Variants in AGMO observed in about 807,000 individuals in gnomAD.
The protein encoded by AGMO is glyceryl-ether monooxygenase.
A neutral mutation model predicts 60.2 loss-of-function variants in AGMO; 75 were observed. The ratio of observed to expected loss-of-function variants is 1.25; its 90% CI spans 1.03 to 1.51. The LOEUF (loss-of-function observed/expected upper bound fraction) is 1.51, where lower values mean the gene tolerates loss of function less well. AGMO is among the 40% of genes most tolerant of loss of function. The pLI is 0.00. For missense variants in AGMO, 763 were observed against 525.5 expected, an observed-to-expected ratio of 1.45 and a Z score of -4.42; for synonymous variants, 261 against 177.1, an observed-to-expected ratio of 1.47 and a Z score of -3.76.
intron 3 of AGMO, among the ~76,000 whole-genome samples, chr7:15,501,731 A>C (rs757470886): frequency 2.2e-4 from 34 of 151,964 alleles, no homozygotes; most frequent in Non-Finnish European, 4.4e-4. Flanking sequence ...AATTGAGTAC[A>C]ATTGAACAAG....
chr7:15,176,113 C>T, the AGMO span, among the ~76,000 whole-genome samples: 6 of 151,964 alleles, frequency 3.9e-5, no homozygotes, highest in South Asian at 8.3e-4. Flanking sequence ...TCTAAATTTA[C>T]GTTTTCCTAT....
At chr7:15,299,336 TGTAATACTG>T (rs1784492757) in intron 12 of AGMO, among the ~76,000 whole-genome samples, 1 of 152,186 alleles carries the variant, frequency 6.6e-6, no homozygotes, top group Non-Finnish European at 1.5e-5. Flanking sequence ...TTTATACTTA[TGTAATACTG>T]GTAAGAGTGG....
intron 12 of AGMO, among the ~76,000 whole-genome samples, chr7:15,337,543 G>C (rs553994642): frequency 3.9e-5 from 6 of 152,204 alleles, no homozygotes; most frequent in African/African-American, 1.4e-4. Flanking sequence ...GGAGAAAAGG[G>C]CAGGTGGGAA....
intron 3 of AGMO, among the ~76,000 whole-genome samples, chr7:15,520,036 G>C (rs930496629): frequency 6.7e-6 from 1 of 149,714 alleles, no homozygotes; most frequent in Non-Finnish European, 1.5e-5. Flanking sequence ...GAAAAATGCA[G>C]GGGTTGCAAT....
At chr7:15,327,503 T>C (rs1256452119) in intron 12 of AGMO, among the ~76,000 whole-genome samples, 1 of 152,012 alleles carries the variant, frequency 6.6e-6, no homozygotes, top group Non-Finnish European at 1.5e-5. Context: ...ACACCTAGAA[T>C]GCATCAGCCA....
At chr7:15,253,007 A>G (rs1355338346) in intron 12 of AGMO, among the ~76,000 whole-genome samples, 1 of 152,210 alleles carries the variant, frequency 6.6e-6, no homozygotes, top group Non-Finnish European at 1.5e-5. Flanking sequence ...TTGATACACT[A>G]CACAAGAACA....
In AGMO at chr7:15,229,217, T is replaced by G. The variant is rs545531652; in HGVS notation, c.1264-27858A>C. Among the ~76,000 whole-genome samples, 48 of 152,172 alleles carry G rather than the reference T, an allele frequency of 3.2e-4. No individual in the cohort carries two copies. The South Asian group carries it at 9.9e-3, about 32-fold the overall frequency. On this transcript the variant is annotated intron_variant, in intron 12 of 12. Coordinates refer to ENST00000342526, the MANE Select transcript of AGMO (RefSeq NM_001004320.2). ...TTCATTGGACAACAACTCTTCACTT[T>G]GGGATCAAATTAGGGAATTTCATTG...
At chr7:15,177,983 G>A in the AGMO span, among the ~76,000 whole-genome samples, 1 of 152,026 alleles carries the variant, frequency 6.6e-6, no homozygotes, top group African/African-American at 2.4e-5. Context: ...CCAATAAATA[G>A]TCAATTATTC....
At chr7:15,243,011 G>A (rs933335454) in intron 12 of AGMO, among the ~76,000 whole-genome samples, 2 of 151,940 alleles carry the variant, frequency 1.3e-5, no homozygotes, top group African/African-American at 2.4e-5. Context: ...GTGGGGGGAG[G>A]TGAAAGGAAT....
the AGMO span, among the ~76,000 whole-genome samples, chr7:15,177,902 C>T: frequency 6.6e-6 from 1 of 151,982 alleles, no homozygotes; most frequent in Non-Finnish European, 1.5e-5. Flanking sequence ...TTTATGACTC[C>T]GATGTCCACC....
chr7:15,334,129 C>G (rs1016484714), intron 12 of AGMO, among the ~76,000 whole-genome samples: 1 of 151,740 alleles, frequency 6.6e-6, no homozygotes, highest in African/African-American at 2.4e-5. Flanking sequence ...GTAAAAAACT[C>G]ATAACAAAGG....
At chr7:15,372,104 T>TA (rs1783242098) in intron 10 of AGMO, among the ~76,000 whole-genome samples, 2 of 152,094 alleles carry the variant, frequency 1.3e-5, no homozygotes. Context: ...AGTTTTTCTA[T>TA]ATAGTATCCT....
the AGMO span, among the ~76,000 whole-genome samples, chr7:15,123,566 T>G: frequency 2.6e-5 from 4 of 152,086 alleles, no homozygotes; most frequent in African/African-American, 9.7e-5. Context: ...TTACTATACT[T>G]GACTCTCATC....
chr7:15,411,226 T>C (rs1025115068), intron 5 of AGMO, among the ~76,000 whole-genome samples: 2 of 152,038 alleles, frequency 1.3e-5, no homozygotes, highest in African/African-American at 4.8e-5. Flanking sequence ...TCTTGGACTT[T>C]GTAGCCTCTA....
At chr7:15,450,800 C>T (rs1353063400) in intron 3 of AGMO, among the ~76,000 whole-genome samples, 1 of 152,138 alleles carries the variant, frequency 6.6e-6, no homozygotes, top group Non-Finnish European at 1.5e-5. Flanking sequence ...GACTTATTCA[C>T]TCTCCTTTAA....
intron 12 of AGMO, among the ~76,000 whole-genome samples, chr7:15,231,321 A>ATAT (rs1255919529): frequency 6.6e-6 from 1 of 152,098 alleles, no homozygotes; most frequent in African/African-American, 2.4e-5. Context: ...TATGAATACG[A>ATAT]TAGTTTGATG....
rs376641964 is a variant in AGMO, at chr7:15,560,162, C to T, written c.236G>A (p.Gly79Asp). 1.2e-5 allele frequency: 20 copies of T among 1,612,354 alleles called. No homozygotes were observed. The highest frequency in any genetic ancestry group is 1.7e-5 in the Non-Finnish European group (20 of 1,178,912). Residue 79 changes from glycine (G) to aspartate (D), a missense_variant, in exon 2 of 13, where the codon GGT (glycine) becomes GAT (aspartate). Physicochemically the swap from Gly to Asp is moderately conservative, Grantham distance 94. Transcript: ENST00000342526. ...LDDALTSISA[G>D]VLSRLPSLFF... Reference sequence around the variant, plus strand: ...TCACCTTGGAAGTCGAGACAGAACACCAGCTGAGATTGACGTTAAAGCATC... The same window carrying T: ...TCACCTTGGAAGTCGAGACAGAACATCAGCTGAGATTGACGTTAAAGCATC...
chr7:15,432,195 GC>G (rs1173471777), intron 3 of AGMO, among the ~76,000 whole-genome samples: 2 of 151,364 alleles, frequency 1.3e-5, no homozygotes, highest in Admixed American at 1.3e-4. Context: ...AAACAGTGAA[GC>G]TAGAACTGGA....
At chr7:15,212,247 T>TACACACACACACACAC (rs57236152) in intron 12 of AGMO, among the ~76,000 whole-genome samples, 1 of 146,276 alleles carries the variant, frequency 6.8e-6, no homozygotes, top group Non-Finnish European at 1.5e-5. Flanking sequence ...AGGTGTGGAG[T>TACACACACACACACAC]ACACACACAC....
Sources: gnomAD v4.1 joint callset for allele counts (sites outside exome capture counted in the v4.1 genomes callset) on GRCh38, gnomAD v4.1.1 for gene constraint, MANE v1.5 for transcripts, NCBI Gene and HGNC (gene_info 2026-07-23, HGNC 2026-07-21) for gene names.